Variants in TGFB1 observed in about 807,000 individuals in gnomAD.
The protein encoded by TGFB1 is transforming growth factor beta 1, also known as transforming growth factor beta-1 proprotein.
Under a neutral mutation model 43.8 loss-of-function variants are expected in TGFB1, and 19 were observed. That is an observed-to-expected ratio of 0.43 (90% CI 0.30 to 0.64). The LOEUF (loss-of-function observed/expected upper bound fraction) is 0.64. Ranked by LOEUF, TGFB1 falls within the 30% of genes least tolerant of loss-of-function variation. The probability of loss-of-function intolerance (pLI) is 0.11; values close to 1 mark genes in which losing one functional copy is unlikely to be tolerated. For synonymous variants in TGFB1, 221 were observed against 236.3 expected, an observed-to-expected ratio of 0.94 and a Z score of 0.60; for missense variants, 445 against 529.8, an observed-to-expected ratio of 0.84 and a Z score of 1.57.
intron 5 of TGFB1, among the ~76,000 whole-genome samples, chr19:41,334,240 C>T (rs549463936): frequency 5.3e-5 from 8 of 151,968 alleles, no homozygotes; most frequent in South Asian, 2.1e-4. Context: ...CTGGGTGTGG[C>T]GGTGCTTGTC....
At chr19:41,339,696 C>T (rs922102998) in intron 5 of TGFB1, among the ~76,000 whole-genome samples, 8 of 152,040 alleles carry the variant, frequency 5.3e-5, no homozygotes, top group Non-Finnish European at 7.4e-5. Flanking sequence ...TGGTGGCACA[C>T]GCCTGTAATC....
Position 41,332,111 on chromosome 19 carries a change from C to G in TGFB1, c.1014+17G>C. 1.9e-6 allele frequency: 3 copies of G among 1,606,568 alleles called. No individual in the cohort carries two copies. Among genetic ancestry groups the G allele is most frequent in the South Asian group, 1.1e-5 (1 of 90,960 alleles). Reference sequence around the variant, plus strand: ...CTCCCCCCAAGCGCATCTCGTAGCCCGGTGGGCCAGACGTACCTTGCTGTA... The same window carrying G: ...CTCCCCCCAAGCGCATCTCGTAGCCGGGTGGGCCAGACGTACCTTGCTGTA... On this transcript the variant is annotated intron_variant, in intron 6 of 6. Coordinates refer to ENST00000221930, the MANE Select transcript of TGFB1 (RefSeq NM_000660.7).
intron 3 of TGFB1, among the ~76,000 whole-genome samples, chr19:41,344,418 C>T (rs996704957): frequency 1.3e-5 from 2 of 152,196 alleles, no homozygotes; most frequent in Admixed American, 6.6e-5. Context: ...CTCCCCATCC[C>T]AGTCCCACCC....
intron 5 of TGFB1, among the ~76,000 whole-genome samples, chr19:41,335,949 G>A (rs942157390): frequency 5.3e-5 from 8 of 152,162 alleles, no homozygotes; most frequent in African/African-American, 1.9e-4. Context: ...GGGTTAGGAA[G>A]GAGGTAGTGT....
chr19:41,341,813 G>A (rs1288855705), intron 5 of TGFB1, 70 bp downstream of exon 5: 27 of 1,603,510 alleles, frequency 1.7e-5, no homozygotes, highest in Non-Finnish European at 2.2e-5. Context: ...GTCCAACCTG[G>A]AGCACCTGGT....
chr19:41,342,390 CTTTTTTTTTT>C (rs55678429), intron 3 of TGFB1, 143 bp from the exon 4 acceptor site: 35 of 432,306 alleles, frequency 8.1e-5, no homozygotes, highest in Non-Finnish European at 9.6e-5. Context: ...GCAGCTCTCT[CTTTTTTTTTT>C]TTTTTTTTTT....
intron 1 of TGFB1, chr19:41,351,143 G>A (rs575600035): frequency 6.6e-6 from 1 of 152,442 alleles, no homozygotes; most frequent in Non-Finnish European, 1.5e-5. Flanking sequence ...GGGAGAAGAG[G>A]ATTGGAGGTG....
At chr19:41,345,660 G>A (rs8102918) in intron 2 of TGFB1, among the ~76,000 whole-genome samples, 1,935 of 152,024 alleles carry the variant, frequency 0.013, 41 homozygotes, top group African/African-American at 0.044. Context: ...CCAGCACTTT[G>A]GGAGGCCAAG....
intron 1 of TGFB1, 126 bp from the exon 2 acceptor site, chr19:41,348,581 T>C: frequency 4.1e-6 from 1 of 242,346 alleles, no homozygotes; most frequent in Non-Finnish European, 7.2e-6. Context: ...TACCTTTTAT[T>C]TATTTATTTA....
chr19:41,334,738 T>C (rs377619169), intron 5 of TGFB1, among the ~76,000 whole-genome samples: 12 of 151,812 alleles, frequency 7.9e-5, no homozygotes, highest in South Asian at 4.2e-4. Context: ...AGAGGCAAGA[T>C]AAAGCCTTTC....
rs1308980782 is a variant in TGFB1 at position 41,348,232 on chromosome 19, C to G, written c.516+63G>C. On this transcript the variant is annotated intron_variant, in intron 2 of 6. Coordinates refer to ENST00000221930, the MANE Select transcript of TGFB1 (RefSeq NM_000660.7). ...GTAACCAGCCGACCCACAGCCACCC[C>G]CTTGGTCACAGCTCACCCTCTCCAG... The G allele has an allele frequency of 3.7e-6, 6 of 1,600,556 alleles. No individual in the cohort carries two copies. The African/African-American group carries it at 5.4e-5, about 14-fold the overall frequency.
chr19:41,352,244 A>C (rs1306102697), intron 1 of TGFB1, among the ~76,000 whole-genome samples: 2 of 151,504 alleles, frequency 1.3e-5, no homozygotes, highest in Non-Finnish European at 2.9e-5. Flanking sequence ...AGGACCCCCA[A>C]GCTCTGGGTC....
intron 6 of TGFB1, 133 bp downstream of exon 6, chr19:41,331,995 C>T (rs2037936875): frequency 8.8e-6 from 11 of 1,243,662 alleles, no homozygotes; most frequent in East Asian, 2.4e-5. Context: ...TATTCATTCC[C>T]CTCCCCACCC....
chr19:41,344,985 A>C, intron 2 of TGFB1, 121 bp from the exon 3 acceptor site: 1 of 916,462 alleles, frequency 1.1e-6, no homozygotes, highest in Non-Finnish European at 1.7e-6. Context: ...GTTCCCAGGC[A>C]CTACCCTCTC....
Position 41,344,762 on chromosome 19 carries a change from A to G in TGFB1, c.619T>C (p.Trp207Arg). Reference sequence around the variant, plus strand: ...TAATCCTCACCTCCACGGCTCAACCACTGCCGCACAACTCCGGTGACATCA... The same window carrying G: ...TAATCCTCACCTCCACGGCTCAACCGCTGCCGCACAACTCCGGTGACATCA... ...SFDVTGVVRQ[W>R]LSRGGEIEGF... The change falls in exon 3 of 7, where the codon TGG becomes CGG. Residue 207 changes from tryptophan to arginine, a missense_variant. Trp to Arg is a moderately radical substitution (Grantham distance 101). Around this residue, in one of 3 missense-constraint regions of TGFB1, gnomAD observed 366 missense variants for 428.8 expected, o/e 0.85. Transcript: ENST00000221930. 1 of 1,614,014 alleles carries G rather than the reference A, an allele frequency of 6.2e-7. No individual in the cohort carries two copies. The highest frequency in any genetic ancestry group is 8.5e-7 in the Non-Finnish European group (1 of 1,179,982).
At chr19:41,344,896 T>G (rs999040559) in intron 2 of TGFB1, 32 bp from the exon 3 acceptor site, 2 of 1,540,832 alleles carry the variant, frequency 1.3e-6, no homozygotes, top group African/African-American at 2.7e-5. Flanking sequence ...AGAGAGACAG[T>G]GGGTAGATGG....
At chr19:41,331,572 T>C (rs908377593) in intron 6 of TGFB1, among the ~76,000 whole-genome samples, 8 of 141,234 alleles carry the variant, frequency 5.7e-5, no homozygotes, top group Non-Finnish European at 1.2e-4. Context: ...CTAGCTTTTT[T>C]TTTTTTTTTT....
chr19:41,344,531 G>C (rs2038093952), intron 3 of TGFB1, among the ~76,000 whole-genome samples: 1 of 152,178 alleles, frequency 6.6e-6, no homozygotes, highest in Non-Finnish European at 1.5e-5. Flanking sequence ...GGTCATTGCT[G>C]TGTCCTTGGC....
At chr19:41,340,482 AT>A (rs1317030655) in intron 5 of TGFB1, among the ~76,000 whole-genome samples, 1 of 151,982 alleles carries the variant, frequency 6.6e-6, no homozygotes, top group African/African-American at 2.4e-5. Context: ...GGGTTTCACC[AT>A]GTTGGCCAGG....
Sources: allele counts gnomAD v4.1 joint callset (sites outside exome capture counted in the v4.1 genomes callset), GRCh38; gene constraint gnomAD v4.1.1; regional missense constraint gnomAD v4.1.1; transcripts MANE v1.5; gene names NCBI Gene and HGNC (gene_info 2026-07-23, HGNC 2026-07-21).